The following PALLD variants were observed in gnomAD, a reference collection of about 807,000 sequenced individuals.
PALLD encodes palladin, cytoskeletal associated protein.
In PALLD, 61 loss-of-function variants were observed where a neutral mutation model predicts 123.5. That is an observed-to-expected ratio of 0.49 (90% CI 0.40 to 0.61). The LOEUF is 0.61. Among genes scored for constraint, PALLD ranks in the 20% least tolerant of loss-of-function variants. The probability of loss-of-function intolerance (pLI) is 0.00; values close to 1 mark genes in which losing one functional copy is unlikely to be tolerated. For synonymous variants in PALLD, 465 were observed against 496.4 expected (o/e 0.94, Z 0.84); for missense variants, 1,273 against 1,377.0 (o/e 0.92, Z 1.20).
chr4:168,908,222 T>C (rs1043931066), intron 15 of PALLD, among the ~76,000 whole-genome samples: 1 of 152,224 alleles, frequency 6.6e-6, no homozygotes, highest in Non-Finnish European at 1.5e-5. Flanking sequence ...ATATGGCAGA[T>C]ATAAGTTCTG....
chr4:168,772,102 C>A lies in PALLD; in HGVS notation c.1964+60179C>A, dbSNP rs557470668. Among the ~76,000 whole-genome samples, 30 of 152,272 alleles carry A rather than the reference C, an allele frequency of 2.0e-4. 1 individual carries two copies. The South Asian group carries it at 4.1e-3, about 21-fold the overall frequency. ...TACTTAGTATGTGCCTAGCATTCAA[C>A]ACTCACAACAGCCTTGCGAAATAGG... On this transcript the variant is annotated intron_variant, in intron 10 of 21. Transcript: ENST00000505667.
At chr4:168,879,245 C>A (rs996684950) in intron 10 of PALLD, among the ~76,000 whole-genome samples, 1 of 152,080 alleles carries the variant, frequency 6.6e-6, no homozygotes, top group Non-Finnish European at 1.5e-5. Flanking sequence ...AATGGAAAAT[C>A]TTTGAGGATA....
chr4:168,553,091 C>A (rs940708290), intron 2 of PALLD, among the ~76,000 whole-genome samples: 1 of 152,074 alleles, frequency 6.6e-6, no homozygotes, highest in Admixed American at 6.6e-5. Context: ...TGTCATTGGC[C>A]CATTTTAAAG....
intron 10 of PALLD, among the ~76,000 whole-genome samples, chr4:168,778,200 A>G (rs1735439191): frequency 6.6e-6 from 1 of 152,054 alleles, no homozygotes; most frequent in Admixed American, 6.5e-5. Flanking sequence ...CTTTTGAAAA[A>G]GAAAAAGCAG....
intron 2 of PALLD, among the ~76,000 whole-genome samples, chr4:168,595,489 C>T (rs1375038729): frequency 1.3e-5 from 2 of 152,226 alleles, no homozygotes; most frequent in South Asian, 4.1e-4. Flanking sequence ...TTGTCCAAAA[C>T]ACTTATTATG....
chr4:168,732,199 C>T (rs1199018512), intron 10 of PALLD, among the ~76,000 whole-genome samples: 1 of 152,174 alleles, frequency 6.6e-6, no homozygotes, highest in African/African-American at 2.4e-5. Context: ...GGACAAATCC[C>T]TATTCCACAA....
chr4:168,809,340 C>CTT (rs760148503), intron 10 of PALLD, among the ~76,000 whole-genome samples: 1 of 61,458 alleles, frequency 1.6e-5, no homozygotes, highest in African/African-American at 4.5e-5. Flanking sequence ...TCTTCTTCTT[C>CTT]TTTTTTTTTT....
Position 168,709,740 on chromosome 4 carries a change from C to T in PALLD, c.1621+593C>T, listed in dbSNP as rs374872432. 2.6e-5 allele frequency among the ~76,000 whole-genome samples: 4 copies of T among 151,818 alleles called. No individual in the cohort carries two copies. The East Asian group carries it at 5.8e-4, about 22-fold the overall frequency. On this transcript the variant is annotated intron_variant, in intron 9 of 21. Transcript: ENST00000505667. The stretch of plus-strand genomic sequence containing the variant: ...AGTCACCCTAACAATCTAAGTTCAT[C>T]GTGAAACAAAGGCTTTAGGGGAGGG...
chr4:168,621,497 T>G (rs561871203), intron 2 of PALLD, among the ~76,000 whole-genome samples: 1 of 152,324 alleles, frequency 6.6e-6, no homozygotes, highest in South Asian at 2.1e-4. Context: ...AGCTCCTTAC[T>G]CCTTCCACCA....
chr4:168,903,687 T>C, intron 14 of PALLD, 70 bp from the exon 15 acceptor site: 1 of 1,283,572 alleles, frequency 7.8e-7, no homozygotes, highest in Non-Finnish European at 1.1e-6. Context: ...ACACTGTTAC[T>C]ATTTTCAGTT....
At chr4:168,886,805 ATGT>A (rs1477839724) in intron 10 of PALLD, among the ~76,000 whole-genome samples, 1 of 152,188 alleles carries the variant, frequency 6.6e-6, no homozygotes, top group Non-Finnish European at 1.5e-5. Context: ...TAATCTTGAT[ATGT>A]TGAAGGAAGT....
chr4:168,814,596 A>G (rs1250003627), intron 10 of PALLD, among the ~76,000 whole-genome samples: 1 of 152,216 alleles, frequency 6.6e-6, no homozygotes, highest in Non-Finnish European at 1.5e-5. Context: ...AAACGGCAGG[A>G]GAGTGCAGGT....
Position 168,810,764 on chromosome 4 carries a change from C to T in PALLD, c.1965-80158C>T, listed in dbSNP as rs1207084625. Reference sequence around the variant, plus strand: ...CGGAGCTTGCAGTGAGCCGAGATTGCGCCACTGCAGTCCGCAGTCCGGCCT... The same window carrying T: ...CGGAGCTTGCAGTGAGCCGAGATTGTGCCACTGCAGTCCGCAGTCCGGCCT... On this transcript the variant is annotated intron_variant, in intron 10 of 21. Coordinates refer to ENST00000505667, the MANE Select transcript of PALLD (RefSeq NM_001166108.2). 4.7e-5 allele frequency among the ~76,000 whole-genome samples: 7 copies of T among 150,030 alleles called. No homozygotes were observed. In the East Asian group the frequency reaches 9.8e-4, roughly 21 times the overall value.
At chr4:168,589,713 C>A (rs549820529) in intron 2 of PALLD, among the ~76,000 whole-genome samples, 1 of 152,316 alleles carries the variant, frequency 6.6e-6, no homozygotes, top group South Asian at 2.1e-4. Flanking sequence ...GATAAATTAT[C>A]TTGAGATCCA....
intron 10 of PALLD, among the ~76,000 whole-genome samples, chr4:168,807,984 G>A (rs1029482371): frequency 7.0e-6 from 1 of 143,284 alleles, no homozygotes; most frequent in Non-Finnish European, 1.6e-5. Flanking sequence ...GGGATTACAG[G>A]TGTGAGCCAC....
chr4:168,915,805 C>G, intron 16 of PALLD, 90 bp from the exon 17 acceptor site: 1 of 959,026 alleles, frequency 1.0e-6, no homozygotes, highest in African/African-American at 1.6e-5. Context: ...CATATTATTA[C>G]CCCATGTATT....
In PALLD at chr4:168,751,070, T is replaced by C. The variant is rs1731000841; in HGVS notation, c.1964+39147T>C. Among the ~76,000 whole-genome samples the C allele has an allele frequency of 2.0e-5, 3 of 151,854 alleles. No individual in the cohort carries two copies. The South Asian group carries it at 6.2e-4, about 32-fold the overall frequency. On this transcript the variant is annotated intron_variant, in intron 10 of 21. Coordinates refer to ENST00000505667, the MANE Select transcript of PALLD (RefSeq NM_001166108.2). ...TATTGTTGCCCAGGCTGGAGTGTAA[T>C]GGCACAATCTTGGCTCACCGTAACC...
intron 2 of PALLD, among the ~76,000 whole-genome samples, chr4:168,596,137 C>A (rs1017044868): frequency 1.3e-4 from 20 of 151,880 alleles, no homozygotes; most frequent in African/African-American, 4.6e-4. Flanking sequence ...GTCTTGAGTA[C>A]CTATTATTGC....
At position 168,625,502 on chromosome 4, in the gene PALLD, G is replaced by GATAGATAGATAGATAGATAGATATATAT; in HGVS notation, c.909-42685_909-42684insGATAGATAGATAGATAGATATATATATA. On this transcript the variant is annotated intron_variant, in intron 2 of 21. Coordinates refer to ENST00000505667, the MANE Select transcript of PALLD (RefSeq NM_001166108.2). The stretch of plus-strand genomic sequence containing the variant: ...TCCAATAAGGGATTAATATCCAGGA[G>GATAGATAGATAGATAGATAGATATATAT]ATATATATATATATATCCTATAAGG... Among the ~76,000 whole-genome samples, 94 of 114,472 alleles carry GATAGATAGATAGATAGATAGATATATAT rather than the reference G, an allele frequency of 8.2e-4. 4 individuals are homozygous for GATAGATAGATAGATAGATAGATATATAT. The highest frequency in any genetic ancestry group is 4.3e-3 in the Middle Eastern group (1 of 232). 75.1% of individuals were successfully genotyped at this position (114,472 alleles called of 152,430 possible). A position where few individuals can be genotyped will look rare whatever the true frequency, so the allele number is the denominator to read the frequency against.
Sources: gnomAD v4.1 joint callset for allele counts (sites outside exome capture counted in the v4.1 genomes callset) on GRCh38, gnomAD v4.1.1 for gene constraint, MANE v1.5 for transcripts, NCBI Gene and HGNC (gene_info 2026-07-23, HGNC 2026-07-21) for gene names.